KCNH5: variants seen among roughly 807,000 people sequenced by gnomAD.
KCNH5 encodes the protein potassium voltage-gated channel subfamily H member 5.
A neutral mutation model predicts 96.1 loss-of-function variants in KCNH5; 46 were observed. That is an observed-to-expected ratio of 0.48 (90% CI 0.38 to 0.61). The LOEUF is 0.61. Among genes scored for constraint, KCNH5 ranks in the 20% least tolerant of loss-of-function variants. KCNH5 has a pLI of 0.00. For synonymous variants in KCNH5, 439 were observed against 449.8 expected (o/e 0.98, Z 0.30); for missense variants, 907 against 1,225.8 (o/e 0.74, Z 3.88).
At chr14:62,725,484 A>G (rs1337192605) in intron 10 of KCNH5, among the ~76,000 whole-genome samples, 1 of 152,234 alleles carries the variant, frequency 6.6e-6, no homozygotes, top group Non-Finnish European at 1.5e-5. Context: ...AAGGAAAGAT[A>G]ATCTCTGAAG....
intron 9 of KCNH5, among the ~76,000 whole-genome samples, chr14:62,799,520 C>T (rs1398840289): frequency 1.5e-5 from 2 of 133,864 alleles, no homozygotes; most frequent in African/African-American, 5.6e-5. Flanking sequence ...TTGCGGTGAG[C>T]TGAGATCACA....
rs146117396 is a variant in KCNH5, at chr14:62,915,928, G to T, written c.1369+34205C>A. On this transcript the variant is annotated intron_variant, in intron 7 of 10. Coordinates refer to ENST00000322893, the MANE Select transcript of KCNH5 (RefSeq NM_139318.5). ...CCTGCATAGTAAGTGGCTTAGCCAG[G>T]GTTTCTTTTTTTCTTTTTTTTTCTT... Among the ~76,000 whole-genome samples, 4 of 151,564 alleles carry T rather than the reference G, an allele frequency of 2.6e-5. No homozygotes were observed. The East Asian group carries it at 7.7e-4, about 29-fold the overall frequency.
At chr14:63,042,149 C>T (rs1212016338) in intron 1 of KCNH5, among the ~76,000 whole-genome samples, 1 of 152,024 alleles carries the variant, frequency 6.6e-6, no homozygotes, top group East Asian at 1.9e-4. Flanking sequence ...CACCCCACCC[C>T]TTTCTCTCTG....
At chr14:62,779,687 C>T (rs2139975312) in intron 10 of KCNH5, 41 bp downstream of exon 10, 1 of 1,525,582 alleles carries the variant, frequency 6.6e-7, no homozygotes. Flanking sequence ...TTAATTAATA[C>T]TCTGGACACT....
intron 8 of KCNH5, among the ~76,000 whole-genome samples, chr14:62,841,926 C>G (rs1246621456): frequency 2.6e-5 from 4 of 152,246 alleles, no homozygotes; most frequent in Admixed American, 2.6e-4. Flanking sequence ...CTTCTCATTT[C>G]TGGACTGTGG....
chr14:62,941,525 G>T (rs899927861), intron 7 of KCNH5, among the ~76,000 whole-genome samples: 1 of 151,918 alleles, frequency 6.6e-6, no homozygotes. Context: ...TTTCTCATGC[G>T]AAACTCAGCT....
At chr14:62,713,288 AT>A in intron 10 of KCNH5, among the ~76,000 whole-genome samples, 1 of 152,122 alleles carries the variant, frequency 6.6e-6, no homozygotes, top group South Asian at 2.1e-4. Flanking sequence ...GTATATTATT[AT>A]TATTATTATT....
chr14:62,870,139 C>T (rs1177569103), intron 7 of KCNH5, among the ~76,000 whole-genome samples: 1 of 152,164 alleles, frequency 6.6e-6, no homozygotes, highest in Non-Finnish European at 1.5e-5. Context: ...AACAAGCTTA[C>T]CATTTTGGCC....
At chr14:62,778,705 T>C (rs537924435) in intron 10 of KCNH5, among the ~76,000 whole-genome samples, 1 of 152,372 alleles carries the variant, frequency 6.6e-6, no homozygotes, top group African/African-American at 2.4e-5. Context: ...CTATTCATTC[T>C]TTCTCACAGA....
intron 8 of KCNH5, among the ~76,000 whole-genome samples, chr14:62,803,659 G>A (rs1354185895): frequency 6.6e-6 from 1 of 152,170 alleles, no homozygotes; most frequent in African/African-American, 2.4e-5. Context: ...AAGGGGTAGA[G>A]AGCTTTTATT....
In KCNH5 at chr14:62,872,485, T is replaced by C. The variant is rs930601893; in HGVS notation, c.1370-22633A>G. ...GCGTGCAGATCACAAGGTCAGGAGA[T>C]CAAGACCATTCTAGCTAACACAATG... On this transcript the variant is annotated intron_variant, in intron 7 of 10. Transcript: ENST00000322893. 4.6e-5 allele frequency among the ~76,000 whole-genome samples: 7 copies of C among 152,030 alleles called. No individual in the cohort carries two copies. The East Asian group carries it at 7.7e-4, about 17-fold the overall frequency.
At chr14:62,999,049 C>G (rs951776910) in intron 4 of KCNH5, among the ~76,000 whole-genome samples, 1 of 152,050 alleles carries the variant, frequency 6.6e-6, no homozygotes, top group Non-Finnish European at 1.5e-5. Flanking sequence ...GGGTATATAC[C>G]CTGTAATGGG....
At chr14:62,876,248 A>G (rs1888370077) in intron 7 of KCNH5, among the ~76,000 whole-genome samples, 2 of 152,356 alleles carry the variant, frequency 1.3e-5, no homozygotes, top group Non-Finnish European at 2.9e-5. Flanking sequence ...CTAATAGTTG[A>G]TAACATATTT....
At position 62,925,493 on chromosome 14, in the gene KCNH5, AG is replaced by A. The variant is rs370700444; in HGVS notation, c.1369+24639del. On this transcript the variant is annotated intron_variant, in intron 7 of 10. Coordinates refer to ENST00000322893, the MANE Select transcript of KCNH5 (RefSeq NM_139318.5). ...TTGAGTGTTATAATGAATATTCTTC[AG>A]CATCAAATTTTTGTCAGCCTAAAAT... is the stretch of plus-strand genomic sequence containing the variant. Among the ~76,000 whole-genome samples, 59 of 152,192 alleles carry A rather than the reference AG, an allele frequency of 3.9e-4. 3 individuals are homozygous for A. The South Asian group carries it at 7.7e-3, about 20-fold the overall frequency.
chr14:62,751,548 C>T (rs938436117), intron 10 of KCNH5, among the ~76,000 whole-genome samples: 2 of 152,186 alleles, frequency 1.3e-5, no homozygotes, highest in African/African-American at 4.8e-5. Context: ...GGCAATCCCT[C>T]TTCCATGGCC....
intron 7 of KCNH5, among the ~76,000 whole-genome samples, chr14:62,887,203 T>C (rs954797100): frequency 6.6e-6 from 1 of 152,186 alleles, no homozygotes; most frequent in African/African-American, 2.4e-5. Flanking sequence ...AGACTTCAAG[T>C]AGACTTCAGA....
intron 4 of KCNH5, among the ~76,000 whole-genome samples, chr14:62,992,777 C>A (rs528925466): frequency 5.9e-4 from 90 of 152,120 alleles, no homozygotes; most frequent in African/African-American, 2.2e-3. Context: ...TCTGTTCACT[C>A]TGTTGGTTCT....
intron 1 of KCNH5, among the ~76,000 whole-genome samples, chr14:63,040,654 C>G (rs1481967852): frequency 6.6e-6 from 1 of 152,066 alleles, no homozygotes; most frequent in East Asian, 1.9e-4. Context: ...TCCATTATTT[C>G]TTTTAAATTG....
At chr14:62,796,555 A>ATGATAGATTTATG (rs1427355247) in intron 9 of KCNH5, among the ~76,000 whole-genome samples, 1 of 152,194 alleles carries the variant, frequency 6.6e-6, no homozygotes, top group Non-Finnish European at 1.5e-5. Flanking sequence ...TAATAACTCT[A>ATGATAGATTTATG]ACCCTATGAT....
Sources: allele counts gnomAD v4.1 joint callset (sites outside exome capture counted in the v4.1 genomes callset), GRCh38; gene constraint gnomAD v4.1.1; transcripts MANE v1.5; gene names NCBI Gene and HGNC (gene_info 2026-07-23, HGNC 2026-07-21).